The following MGAT4C variants were observed in gnomAD, a reference collection of about 807,000 sequenced individuals.
MGAT4C encodes alpha-1,3-mannosyl-glycoprotein 4-beta-N-acetylglucosaminyltransferase C.
In MGAT4C, 19 loss-of-function variants were observed where a neutral mutation model predicts 40.1. The ratio of observed to expected loss-of-function variants is 0.47; its 90% confidence interval spans 0.33 to 0.70. The LOEUF (loss-of-function observed/expected upper bound fraction) is 0.70, where lower values mean the gene tolerates loss of function less well. Ranked by LOEUF, MGAT4C falls within the 30% of genes least tolerant of loss-of-function variation. The pLI is 0.02. For missense variants in MGAT4C, 491 were observed against 563.2 expected (o/e 0.87, Z 1.30); for synonymous variants, 181 against 187.1 (o/e 0.97, Z 0.27).
chr12:86,050,444 T>C (rs942410116), intron 1 of MGAT4C, among the ~76,000 whole-genome samples: 1 of 152,080 alleles, frequency 6.6e-6, no homozygotes, highest in Non-Finnish European at 1.5e-5. Flanking sequence ...TATATTCTTA[T>C]TTTGTATTAT....
At chr12:86,022,567 A>G (rs528923416) in intron 2 of MGAT4C, 68 of 152,170 alleles carry the variant, frequency 4.5e-4, no homozygotes, top group African/African-American at 1.5e-3. Context: ...ATAAAAAATA[A>G]TTGCTAGGCA....
chr12:86,020,697 C>T (rs1889620406), intron 2 of MGAT4C, among the ~76,000 whole-genome samples: 1 of 152,156 alleles, frequency 6.6e-6, no homozygotes, highest in African/African-American at 2.4e-5. Context: ...ATGTCTAAAA[C>T]ACCAAAAGCA....
chr12:86,644,865 C>G (rs1454175957), intron 2 of MGAT4C, among the ~76,000 whole-genome samples: 1 of 151,644 alleles, frequency 6.6e-6, no homozygotes, highest in African/African-American at 2.4e-5. Context: ...TTTAGGAAGA[C>G]AAGAGCATTT....
At chr12:86,519,989 A>AT (rs1958764375) in intron 2 of MGAT4C, among the ~76,000 whole-genome samples, 1 of 152,026 alleles carries the variant, frequency 6.6e-6, no homozygotes, top group Non-Finnish European at 1.5e-5. Context: ...ATGTCCTGGG[A>AT]TTTTCCCCCA....
rs371405437 is a variant in MGAT4C, at chr12:86,715,528, A to G, written c.-229+11681T>C. Among the ~76,000 whole-genome samples, 40 of 152,228 alleles carry G rather than the reference A, an allele frequency of 2.6e-4. 1 individual carries two copies. In the East Asian group the frequency reaches 6.2e-3, roughly 24 times the overall value. On this transcript the variant is annotated intron_variant, in intron 2 of 7. Transcript: ENST00000548651. ...GAGTAAAAAGTTTAAACTTTTAGAG[A>G]GTCAATCTTGCTCCATGTTGTGGTT...
At chr12:86,617,890 A>T (rs944291906) in intron 2 of MGAT4C, among the ~76,000 whole-genome samples, 11 of 152,190 alleles carry the variant, frequency 7.2e-5, no homozygotes, top group Non-Finnish European at 1.6e-4. Context: ...GACAATGTGA[A>T]GAGAAAACGT....
chr12:86,109,216 G>A (rs1028222121), intron 1 of MGAT4C, among the ~76,000 whole-genome samples: 1 of 152,026 alleles, frequency 6.6e-6, no homozygotes, highest in Non-Finnish European at 1.5e-5. Flanking sequence ...TTCTATTTGT[G>A]TCTTCTAAGA....
chr12:86,822,091 A>G (rs1013804172), intron 1 of MGAT4C, among the ~76,000 whole-genome samples: 1 of 151,120 alleles, frequency 6.6e-6, no homozygotes, highest in Non-Finnish European at 1.5e-5. Context: ...TTTATAAGTG[A>G]TAGTGATTGA....
At chr12:86,347,088 T>C (rs1279725558) in intron 3 of MGAT4C, among the ~76,000 whole-genome samples, 2 of 152,134 alleles carry the variant, frequency 1.3e-5, no homozygotes, top group African/African-American at 2.4e-5. Context: ...CTTGGACTGA[T>C]CCACCACTGG....
chr12:86,493,706 G>A (rs1194750634), intron 2 of MGAT4C, among the ~76,000 whole-genome samples: 1 of 151,948 alleles, frequency 6.6e-6, no homozygotes, highest in Non-Finnish European at 1.5e-5. Flanking sequence ...TATATGACGA[G>A]TTAATGGATG....
intron 2 of MGAT4C, among the ~76,000 whole-genome samples, chr12:86,504,085 A>G (rs1165243336): frequency 6.6e-6 from 1 of 151,966 alleles, no homozygotes; most frequent in African/African-American, 2.4e-5. Context: ...CTCAAATTCG[A>G]TAGTCATCAA....
chr12:86,456,019 G>C (rs965604399), intron 2 of MGAT4C, among the ~76,000 whole-genome samples: 3 of 152,070 alleles, frequency 2.0e-5, no homozygotes, highest in African/African-American at 7.2e-5. Flanking sequence ...TTTAATGTAA[G>C]AAAAATATGC....
intron 1 of MGAT4C, among the ~76,000 whole-genome samples, chr12:86,763,270 T>C (rs528745381): frequency 1.5e-3 from 221 of 152,346 alleles, no homozygotes; most frequent in Middle Eastern, 6.8e-3. Flanking sequence ...ATTCTGCTAT[T>C]CCTAATTCAT....
chr12:86,827,346 C>T (rs1952827595), intron 1 of MGAT4C, among the ~76,000 whole-genome samples: 1 of 151,452 alleles, frequency 6.6e-6, no homozygotes, highest in African/African-American at 2.4e-5. Context: ...TTAGTATTCT[C>T]TCAACAAACA....
At chr12:86,681,104 T>C (rs1442105675) in intron 2 of MGAT4C, among the ~76,000 whole-genome samples, 1 of 151,882 alleles carries the variant, frequency 6.6e-6, no homozygotes, top group African/African-American at 2.4e-5. Flanking sequence ...TACTTAGTAA[T>C]TTCTGTGATA....
intron 3 of MGAT4C, among the ~76,000 whole-genome samples, chr12:85,988,409 G>C (rs1249954806): frequency 6.6e-6 from 1 of 151,920 alleles, no homozygotes; most frequent in Admixed American, 6.6e-5. Context: ...ATAATCTAAA[G>C]CATTTTTTTT....
At chr12:86,085,284 T>C (rs920311340) in intron 1 of MGAT4C, among the ~76,000 whole-genome samples, 3 of 152,146 alleles carry the variant, frequency 2.0e-5, no homozygotes, top group African/African-American at 4.8e-5. Context: ...TACCCATGCC[T>C]ATGTCCTGAA....
At chr12:86,728,756 C>G (rs1434758267) in intron 1 of MGAT4C, among the ~76,000 whole-genome samples, 1 of 152,200 alleles carries the variant, frequency 6.6e-6, no homozygotes, top group Admixed American at 6.5e-5. Context: ...TTAGGCCACA[C>G]TTTTTTCTCC....
At chr12:86,467,904 T>C (rs1395548114) in intron 2 of MGAT4C, among the ~76,000 whole-genome samples, 1 of 152,106 alleles carries the variant, frequency 6.6e-6, no homozygotes, top group Non-Finnish European at 1.5e-5. Context: ...CAAATTAATT[T>C]GAATTAAATG....
Sources: gnomAD v4.1 joint callset for allele counts (sites outside exome capture counted in the v4.1 genomes callset) on GRCh38, gnomAD v4.1.1 for gene constraint, MANE v1.5 for transcripts, NCBI Gene and HGNC (gene_info 2026-07-23, HGNC 2026-07-21) for gene names.